PKN3: variants seen among roughly 807,000 people sequenced by gnomAD.
PKN3 encodes the protein protein kinase N3, also known as serine/threonine-protein kinase N3.
A neutral mutation model predicts 113.1 loss-of-function variants in PKN3; 91 were observed. The observed-to-expected ratio is 0.80, with a 90% CI of 0.68 to 0.96. The LOEUF (loss-of-function observed/expected upper bound fraction) is 0.96, where lower values mean the gene tolerates loss of function less well. PKN3 is among the 40% of genes least tolerant of loss of function. PKN3 has a pLI of 0.00. For missense variants in PKN3, 1,052 were observed against 1,202.2 expected, an observed-to-expected ratio of 0.88 and a Z score of 1.85; for synonymous variants, 467 against 499.0, an observed-to-expected ratio of 0.94 and a Z score of 0.85.
chr9:128,719,875 G>C, intron 19 of PKN3, 35 bp from the exon 20 acceptor site: 1 of 1,609,686 alleles, frequency 6.2e-7, no homozygotes, highest in African/African-American at 1.3e-5. Context: ...GGGGTGGGGT[G>C]GCCCGTGCAT....
intron 1 of PKN3, chr9:128,703,925 G>A (rs1410808865): frequency 3.0e-6 from 3 of 985,352 alleles, no homozygotes; most frequent in South Asian, 4.7e-5. Context: ...CCGGTGGCCG[G>A]GCCCCCAGCT....
Position 128,705,472 on chromosome 9 carries a change from A to G in PKN3, c.194A>G (p.Glu65Gly). 1 of 1,568,756 alleles carries G rather than the reference A, an allele frequency of 6.4e-7. No individual in the cohort carries two copies. Among genetic ancestry groups the G allele is most frequent in the Non-Finnish European group, 8.6e-7 (1 of 1,157,744 alleles). ...QLLRSSNRRL[E>G]QLHGELRELH... ...CTGCGGTCCTCCAACCGCCGCCTGG[A>G]GCAGCTGCATGGCGAGCTGCGGGAG... Residue 65 changes from glutamate to glycine, a missense_variant, in exon 2 of 22, where the codon GAG (glutamate) becomes GGG (glycine). This residue lies in a region of PKN3 where 719 missense variants were observed against 759.4 expected (regional missense o/e 0.95). Transcript: ENST00000291906.
intron 10 of PKN3, 23 bp from the exon 11 acceptor site, chr9:128,714,174 C>G: frequency 6.2e-7 from 1 of 1,614,020 alleles, no homozygotes; most frequent in Non-Finnish European, 8.5e-7. Flanking sequence ...GGTCCCGGGA[C>G]TAAGCTCCCC....
chr9:128,718,004 C>T (rs939617231), intron 16 of PKN3, among the ~76,000 whole-genome samples: 1 of 151,010 alleles, frequency 6.6e-6, no homozygotes, highest in African/African-American at 2.4e-5. Flanking sequence ...CGCTGCACTG[C>T]AGCCTGGGTG....
chr9:128,716,059 C>A (rs942409229), intron 15 of PKN3, among the ~76,000 whole-genome samples: 8 of 151,390 alleles, frequency 5.3e-5, no homozygotes, highest in Admixed American at 3.3e-4. Flanking sequence ...GTAATCCCAG[C>A]ACTTCAGGAG....
intron 15 of PKN3, 150 bp from the exon 16 acceptor site, chr9:128,716,597 C>CA (rs374683003): frequency 0.033 from 18,714 of 565,128 alleles, 1,258 homozygotes; most frequent in African/African-American, 0.24. Flanking sequence ...GACTGTGTCT[C>CA]AAAAAAAAAA....
chr9:128,718,727 C>T (rs965265345), intron 18 of PKN3, 102 bp downstream of exon 18: 14 of 1,115,928 alleles, frequency 1.3e-5, no homozygotes, highest in South Asian at 5.0e-5. Context: ...TCCTCACCTG[C>T]GGATGCCCTG....
At position 128,706,693 on chromosome 9, in the gene PKN3, C is replaced by T. The variant is rs1219523566; in HGVS notation, c.412-20C>T. 6.6e-7 allele frequency: 1 copy of T among 1,509,844 alleles called. No individual in the cohort carries two copies. Among genetic ancestry groups the T allele is most frequent in the Non-Finnish European group, 8.9e-7 (1 of 1,121,886 alleles). 93.5% of individuals were successfully genotyped at this position (1,509,844 alleles called of 1,614,324 possible). ...TGTGGCCCAGGCCTGGTCTGATGGGCCTGTGCTATGGCTCCATAGGAGAGG... is the reference window on the plus strand; with the variant it reads ...TGTGGCCCAGGCCTGGTCTGATGGGTCTGTGCTATGGCTCCATAGGAGAGG... On this transcript the variant is annotated intron_variant, in intron 3 of 21. Coordinates refer to ENST00000291906, the MANE Select transcript of PKN3 (RefSeq NM_013355.5).
At position 128,718,898 on chromosome 9, in the gene PKN3, G is replaced by GTTTTTTTT. The variant is rs1564378313; in HGVS notation, c.2125+276_2125+277insTTTTTTTT. ...AGTTCTGCCTTCTGTTTTTTTTTTG[G>GTTTTTTTT]TTTGTTTTTTTTTTTGAGACGGAGT... On this transcript the variant is annotated intron_variant, in intron 18 of 21. Transcript: ENST00000291906. Among the ~76,000 whole-genome samples the GTTTTTTTT allele has an allele frequency of 8.1e-4, 20 of 24,578 alleles. 9 individuals are homozygous for GTTTTTTTT. The highest frequency in any genetic ancestry group is 7.1e-4 in the Non-Finnish European group (8 of 11,212). 16.1% of individuals were successfully genotyped at this position (24,578 alleles called of 152,430 possible).
chr9:128,715,426 A>C lies in PKN3; in HGVS notation c.1774A>C (p.Lys592Gln). Residue 592 changes from lysine to glutamine, a missense_variant, in exon 15 of 22, where the codon AAG becomes CAG. By Grantham distance (53) the Lys-to-Gln change is moderately conservative. Coordinates refer to ENST00000291906, the MANE Select transcript of PKN3 (RefSeq NM_013355.5). The surrounding 1 kb of genome is among the most constrained non-coding windows in gnomAD (Gnocchi z 4.1). ...ATACTACGCCATCAAAGCACTGAAG[A>C]AGCAGGAGGTGCTCAGCCGGGACGA... ...GKYYAIKALK[K>Q]QEVLSRDEIE... 1 of 1,613,896 alleles carries C rather than the reference A, an allele frequency of 6.2e-7. No individual in the cohort carries two copies. Among genetic ancestry groups the C allele is most frequent in the East Asian group, 2.2e-5 (1 of 44,876 alleles).
intron 1 of PKN3, among the ~76,000 whole-genome samples, chr9:128,704,323 C>G (rs752756109): frequency 6.6e-6 from 1 of 152,168 alleles, no homozygotes; most frequent in East Asian, 1.9e-4. Context: ...AGTGGGCACC[C>G]GGAGACCTCC....
At chr9:128,708,297 G>C (rs1163922755) in intron 6 of PKN3, among the ~76,000 whole-genome samples, 14 of 152,004 alleles carry the variant, frequency 9.2e-5, no homozygotes, top group Non-Finnish European at 1.8e-4. Flanking sequence ...CAGGAGAATT[G>C]CTTGAACCCA....
chr9:128,710,977 C>CT lies in PKN3; in HGVS notation c.836-2063dup, dbSNP rs199532029. On this transcript the variant is annotated intron_variant, in intron 6 of 21. Transcript: ENST00000291906. ...AAACACCCCAGATACTTGAGTTGTC[C>CT]TTTTTTTTTTTTGAGATGGAGTTTT... Among the ~76,000 whole-genome samples the CT allele has an allele frequency of 8.2e-3, 1,185 of 145,128 alleles. 14 individuals carry two copies. Among genetic ancestry groups the CT allele is most frequent in the East Asian group, 0.056 (278 of 4,976 alleles).
rs777263461 is a variant in PKN3 at position 128,714,562 on chromosome 9, TAATTTC to T, written c.1483_1488del (p.Asn495_Phe496del). On this transcript the variant is annotated inframe_deletion and splice_region_variant, in exon 12 of 22. Coordinates refer to ENST00000291906, the MANE Select transcript of PKN3 (RefSeq NM_013355.5). ...CACTGTGTCTACTTTCTCCCTACAG[TAATTTC>T]CTGCCCAAGAAGACCCCCTTGGGTG... The T allele has an allele frequency of 1.6e-6, 2 of 1,232,478 alleles. No homozygotes were observed. The highest frequency in any genetic ancestry group is 2.4e-5 in the South Asian group (2 of 83,630). The allele number at this position is 1,232,478 out of a possible 1,614,324, so 76.3% of individuals were successfully genotyped here.
chr9:128,704,060 G>T (rs551142818), intron 1 of PKN3: 1 of 865,008 alleles, frequency 1.2e-6, no homozygotes, highest in African/African-American at 2.4e-5. Context: ...GAGGTCTGGG[G>T]TGGGGGGGTC....
Position 128,715,060 on chromosome 9 carries a change from G to A in PKN3, c.1653-112G>A, listed in dbSNP as rs1213381319. On this transcript the variant is annotated intron_variant, in intron 13 of 21. Transcript: ENST00000291906. This position sits in a 1 kb window ranked among gnomAD's most constrained non-coding sequence, Gnocchi z 4.1. ...GGAGTCCTTACTGCAGGGCTTTTTCGAGCCCATAGGTCGGGACAGCCCAGG... is the reference window on the plus strand; with the variant it reads ...GGAGTCCTTACTGCAGGGCTTTTTCAAGCCCATAGGTCGGGACAGCCCAGG... 1.6e-6 allele frequency: 2 copies of A among 1,219,470 alleles called. No homozygotes were observed. The highest frequency in any genetic ancestry group is 2.3e-5 in the East Asian group (1 of 42,706). The allele number at this position is 1,219,470 out of a possible 1,614,324, so 75.5% of individuals were successfully genotyped here.
Position 128,714,605 on chromosome 9 carries a change from C to T in PKN3, c.1525C>T (p.Pro509Ser), listed in dbSNP as rs202027236. 9 of 1,407,736 alleles carry T rather than the reference C, an allele frequency of 6.4e-6. No individual in the cohort carries two copies. The highest frequency in any genetic ancestry group is 1.4e-5 in the African/African-American group (1 of 71,276). The allele number at this position is 1,407,736 out of a possible 1,614,324, so 87.2% of individuals were successfully genotyped here. A position where few individuals can be genotyped will look rare whatever the true frequency, so the allele number is the denominator to read the frequency against. ...GACCCCCTTGGGTGAAGAGATGACA[C>T]CCCCACCCAAGCCCCCACGCCTCTA... is the stretch of plus-strand genomic sequence containing the variant. Reference protein sequence around the residue: ...KKTPLGEEMTPPPKPPRLYLP... With the variant: ...KKTPLGEEMTSPPKPPRLYLP... Residue 509 changes from proline to serine, a missense_variant, in exon 12 of 22, where the codon CCC becomes TCC. By Grantham distance (74) the Pro-to-Ser change is moderately conservative (BLOSUM62 -1). This residue lies in a region of PKN3 where 719 missense variants were observed against 759.4 expected (regional missense o/e 0.95). Coordinates refer to ENST00000291906, the MANE Select transcript of PKN3 (RefSeq NM_013355.5).
intron 5 of PKN3, 96 bp from the exon 6 acceptor site, chr9:128,707,126 G>T: frequency 6.3e-7 from 1 of 1,589,224 alleles, no homozygotes; most frequent in Non-Finnish European, 8.6e-7. Context: ...GGACTTCTCT[G>T]TTGAGACTTC....
chr9:128,709,146 G>T (rs932687745), intron 6 of PKN3, among the ~76,000 whole-genome samples: 1 of 152,016 alleles, frequency 6.6e-6, no homozygotes, highest in Non-Finnish European at 1.5e-5. Context: ...TTAACCGGGC[G>T]TGGTGGCGGG....
Sources: gnomAD v4.1 joint callset for allele counts (sites outside exome capture counted in the v4.1 genomes callset) on GRCh38, gnomAD v4.1.1 for gene constraint, gnomAD v4.1.1 regional missense constraint, Gnocchi (gnomAD v3.1) non-coding constraint, MANE v1.5 for transcripts, NCBI Gene and HGNC (gene_info 2026-07-23, HGNC 2026-07-21) for gene names.